The following BCL7A variants were observed in gnomAD, a reference collection of about 807,000 sequenced individuals.
BCL7A encodes the protein B-cell CLL/lymphoma 7 protein family member A.
In BCL7A, 11 loss-of-function variants were observed where a neutral mutation model predicts 28.4. That is an observed-to-expected ratio of 0.39 (90% CI 0.24 to 0.64). The LOEUF (loss-of-function observed/expected upper bound fraction) is 0.64, where lower values mean the gene tolerates loss of function less well. Among genes scored for constraint, BCL7A ranks in the 30% least tolerant of loss-of-function variants. The pLI is 0.50. For missense variants in BCL7A, 222 were observed against 274.8 expected (o/e 0.81, Z 1.36); for synonymous variants, 123 against 103.3 (o/e 1.19, Z -1.15).
At chr12:122,030,893 GC>G in intron 2 of BCL7A, 112 bp downstream of exon 2, 1 of 1,102,982 alleles carries the variant, frequency 9.1e-7, no homozygotes, top group South Asian at 1.3e-5. Context: ...GGGACCAAGA[GC>G]CCCTGGGAGT....
chr12:122,046,251 C>A lies in BCL7A; in HGVS notation c.439+2198C>A, dbSNP rs181657248. 1.3e-4 allele frequency among the ~76,000 whole-genome samples: 20 copies of A among 152,136 alleles called. No homozygotes were observed. In the East Asian group the frequency reaches 1.4e-3, roughly 10 times the overall value. On this transcript the variant is annotated intron_variant, in intron 4 of 5. Coordinates refer to ENST00000261822, the MANE Select transcript of BCL7A (RefSeq NM_001024808.3). ...GGGCAACTCTGGGCACCTGGAGGGACAGCAGTGGCTGAGCGGGTCTGGGGA... is the reference window on the plus strand; with the variant it reads ...GGGCAACTCTGGGCACCTGGAGGGAAAGCAGTGGCTGAGCGGGTCTGGGGA...
At chr12:122,050,297 G>GT (rs940798410) in intron 4 of BCL7A, among the ~76,000 whole-genome samples, 13 of 103,902 alleles carry the variant, frequency 1.3e-4, no homozygotes, top group Admixed American at 4.3e-4. Context: ...CTTCTTTATT[G>GT]TGGGGGGGGG....
intron 3 of BCL7A, 120 bp from the exon 4 acceptor site, chr12:122,043,766 C>T: frequency 9.2e-7 from 1 of 1,084,484 alleles, no homozygotes; most frequent in East Asian, 2.7e-5. Context: ...CCAGACCCCT[C>T]CCCGGGAGAG....
chr12:122,057,546 C>T (rs941400954), intron 5 of BCL7A, among the ~76,000 whole-genome samples: 6 of 152,048 alleles, frequency 3.9e-5, no homozygotes, highest in African/African-American at 1.2e-4. Flanking sequence ...GGGGTGCGGG[C>T]GGAGAGGTGG....
chr12:122,024,962 C>G lies in BCL7A; in HGVS notation c.92+2779C>G, dbSNP rs74480377. 1.3e-3 allele frequency among the ~76,000 whole-genome samples: 179 copies of G among 137,974 alleles called. 4 individuals are homozygous for G. The East Asian group carries it at 0.043, about 33-fold the overall frequency. 90.5% of individuals were successfully genotyped at this position (137,974 alleles called of 152,430 possible). ...CCGACCCACCCACTGTCCCCTGATGCTTCCCCCACCCCCGGAAAAAGCTGT... is the reference window on the plus strand; with the variant it reads ...CCGACCCACCCACTGTCCCCTGATGGTTCCCCCACCCCCGGAAAAAGCTGT... On this transcript the variant is annotated intron_variant, in intron 1 of 5. Transcript: ENST00000261822.
At chr12:122,025,350 G>T (rs960617571) in intron 1 of BCL7A, among the ~76,000 whole-genome samples, 1 of 151,830 alleles carries the variant, frequency 6.6e-6, no homozygotes, top group African/African-American at 2.4e-5. Flanking sequence ...AAAGAGCCGG[G>T]CGCGGTGGCT....
At chr12:122,025,087 G>C (rs1883587019) in intron 1 of BCL7A, among the ~76,000 whole-genome samples, 1 of 152,150 alleles carries the variant, frequency 6.6e-6, no homozygotes. Flanking sequence ...GATGGCTAAA[G>C]GGAAAACAAA....
At chr12:122,047,026 C>T (rs1212037186) in intron 4 of BCL7A, among the ~76,000 whole-genome samples, 1 of 151,554 alleles carries the variant, frequency 6.6e-6, no homozygotes, top group African/African-American at 2.4e-5. Context: ...GCCTCAGACT[C>T]GTGAGTAGCT....
At chr12:122,035,036 A>G (rs1470560414) in intron 2 of BCL7A, among the ~76,000 whole-genome samples, 1 of 152,130 alleles carries the variant, frequency 6.6e-6, no homozygotes, top group Non-Finnish European at 1.5e-5. Context: ...GGGTGTTTCC[A>G]CACTGCTGCT....
chr12:122,033,563 C>A (rs961449173), intron 2 of BCL7A, among the ~76,000 whole-genome samples: 1 of 147,650 alleles, frequency 6.8e-6, no homozygotes, highest in African/African-American at 2.7e-5. Flanking sequence ...CCGCCCGCCT[C>A]GGCCTCCCAA....
chr12:122,032,522 A>C (rs903690519), intron 2 of BCL7A, among the ~76,000 whole-genome samples: 2 of 152,202 alleles, frequency 1.3e-5, no homozygotes, highest in Non-Finnish European at 2.9e-5. Context: ...GGAAGTGCCA[A>C]ATGGAATATG....
chr12:122,024,129 C>T, intron 1 of BCL7A, among the ~76,000 whole-genome samples: 1 of 152,326 alleles, frequency 6.6e-6, no homozygotes, highest in Middle Eastern at 3.4e-3. Flanking sequence ...CCGCGGGGAC[C>T]AGGCCTGTAG....
Position 122,043,893 on chromosome 12 carries a change from C to T in BCL7A, c.279C>T (p.Asn93=). 6.2e-7 allele frequency: 1 copy of T among 1,613,240 alleles called. No homozygotes were observed. Among genetic ancestry groups the T allele is most frequent in the Non-Finnish European group, 8.5e-7 (1 of 1,179,712 alleles). ...SPGMMDMHDD[N]SNQSSIADAS... ...TGTTCCCACCCCCTACAGACGATAA[C>T]AGCAACCAGAGCTCCATCGCAGATG... The change falls in exon 4 of 6, where the codon AAC becomes AAT. Residue 93 remains asparagine (N), a synonymous_variant. Coordinates refer to ENST00000261822, the MANE Select transcript of BCL7A (RefSeq NM_001024808.3).
chr12:122,060,519 C>A lies in BCL7A; in HGVS notation c.*1356C>A. Reference sequence around the variant, plus strand: ...CGCCCCCTTGGACGAACTGCCTAATCGTTTGGTTCTGAGGCCTGGTTTGCT... The same window carrying A: ...CGCCCCCTTGGACGAACTGCCTAATAGTTTGGTTCTGAGGCCTGGTTTGCT... On this transcript the variant is annotated 3_prime_UTR_variant, in exon 6 of 6. Transcript: ENST00000261822. The A allele has an allele frequency of 4.3e-6, 1 of 229,946 alleles. No individual in the cohort carries two copies. Among genetic ancestry groups the A allele is most frequent in the Non-Finnish European group, 8.6e-6 (1 of 115,758 alleles). The allele number at this position is 229,946 out of a possible 1,614,324, so 14.2% of individuals were successfully genotyped here.
chr12:122,039,954 C>T (rs899022823), intron 3 of BCL7A, among the ~76,000 whole-genome samples: 1 of 152,170 alleles, frequency 6.6e-6, no homozygotes, highest in African/African-American at 2.4e-5. Flanking sequence ...CCTCCCTCAA[C>T]CTCCCAAAGT....
At chr12:122,033,248 A>G (rs117750021) in intron 2 of BCL7A, among the ~76,000 whole-genome samples, 1,704 of 151,416 alleles carry the variant, frequency 0.011, 15 homozygotes, top group Non-Finnish European at 0.019. Flanking sequence ...CAATCCTTCT[A>G]TCTCTGCCTC....
intron 4 of BCL7A, among the ~76,000 whole-genome samples, chr12:122,045,525 G>A (rs1376312408): frequency 1.3e-5 from 2 of 152,110 alleles, no homozygotes; most frequent in Non-Finnish European, 2.9e-5. Context: ...TGATCTGAAG[G>A]ATTAAGAACA....
chr12:122,046,243 T>A (rs954189191), intron 4 of BCL7A, among the ~76,000 whole-genome samples: 4 of 151,988 alleles, frequency 2.6e-5, no homozygotes, highest in African/African-American at 9.7e-5. Context: ...TCTGGGCACC[T>A]GGAGGGACAG....
At chr12:122,044,112 T>A in intron 4 of BCL7A, 59 bp downstream of exon 4, 1 of 1,557,988 alleles carries the variant, frequency 6.4e-7, no homozygotes, top group Non-Finnish European at 8.7e-7. Flanking sequence ...CTTCAGGCAG[T>A]CTGTGGCTAG....
Sources: allele counts gnomAD v4.1 joint callset (sites outside exome capture counted in the v4.1 genomes callset), GRCh38; gene constraint gnomAD v4.1.1; transcripts MANE v1.5; gene names NCBI Gene and HGNC (gene_info 2026-07-23, HGNC 2026-07-21).